FMO1: variants seen among roughly 807,000 people sequenced by gnomAD.
The protein encoded by FMO1 is flavin containing dimethylaniline monoxygenase 1.
FMO1 carries 36 observed loss-of-function variants against 45.4 expected under a neutral mutation model. The observed-to-expected ratio is 0.79, with a 90% CI of 0.61 to 1.05. The LOEUF is 1.05. FMO1 is among the 50% of genes least tolerant of loss of function. The pLI is 0.00. For missense variants in FMO1, 615 were observed against 640.3 expected (o/e 0.96, Z 0.43); for synonymous variants, 228 against 227.2 (o/e 1.00, Z -0.03).
At chr1:171,270,985 T>C (rs1049463340) in intron 3 of FMO1, 6 of 898,494 alleles carry the variant, frequency 6.7e-6, no homozygotes, top group Non-Finnish European at 1.1e-5. Flanking sequence ...ATCTTCTTCA[T>C]CTACCTCCTC....
chr1:171,275,604 A>C, intron 4 of FMO1, 96 bp downstream of exon 4: 1 of 898,256 alleles, frequency 1.1e-6, no homozygotes, highest in Non-Finnish European at 1.7e-6. Flanking sequence ...TGTTCCATTA[A>C]ATAGTTAAAG....
intron 2 of FMO1, among the ~76,000 whole-genome samples, chr1:171,259,659 AC>A (rs1660300619): frequency 6.6e-6 from 1 of 152,222 alleles, no homozygotes; most frequent in African/African-American, 2.4e-5. Context: ...CAAAAACTAA[AC>A]CTAAAGATCA....
chr1:171,252,009 G>A (rs1172675185), intron 1 of FMO1, among the ~76,000 whole-genome samples: 1 of 152,054 alleles, frequency 6.6e-6, no homozygotes, highest in African/African-American at 2.4e-5. Flanking sequence ...ATGTCAGTGT[G>A]CTTTTCACCC....
chr1:171,270,955 T>C, intron 3 of FMO1: 1 of 859,298 alleles, frequency 1.2e-6, no homozygotes, highest in South Asian at 1.4e-5. Flanking sequence ...ACCAACTTAT[T>C]CATCATCTTC....
chr1:171,272,456 C>A, intron 3 of FMO1, among the ~76,000 whole-genome samples: 1 of 152,126 alleles, frequency 6.6e-6, no homozygotes, highest in Non-Finnish European at 1.5e-5. Flanking sequence ...TCCTTCAGAC[C>A]CCAGAATGTT....
intron 1 of FMO1, among the ~76,000 whole-genome samples, chr1:171,252,076 C>T (rs1659921547): frequency 1.3e-5 from 2 of 152,094 alleles, no homozygotes; most frequent in South Asian, 4.1e-4. Flanking sequence ...AAAGCAGTCA[C>T]TAACAAGAAA....
rs538649179 is a variant in FMO1, at chr1:171,276,938, G to A, written c.484+1430G>A. 3.3e-5 allele frequency among the ~76,000 whole-genome samples: 5 copies of A among 152,064 alleles called. No homozygotes were observed. The East Asian group carries it at 5.8e-4, about 18-fold the overall frequency. On this transcript the variant is annotated intron_variant, in intron 4 of 8. Coordinates refer to ENST00000617670, the MANE Select transcript of FMO1 (RefSeq NM_001282693.2). ...ACCACCTAGCTGATAGTCTTGAGTC[G>A]CCCACTTAACTTTTCTAAGCCTCAA...
At chr1:171,265,213 A>T (rs1275631213) in intron 2 of FMO1, among the ~76,000 whole-genome samples, 2 of 151,726 alleles carry the variant, frequency 1.3e-5, no homozygotes, top group African/African-American at 4.8e-5. Flanking sequence ...ACACGGTGAA[A>T]CCCCGTCTCT....
intron 3 of FMO1, among the ~76,000 whole-genome samples, chr1:171,273,204 G>C (rs901739707): frequency 6.6e-5 from 10 of 152,226 alleles, no homozygotes; most frequent in Middle Eastern, 3.4e-3. Flanking sequence ...GCTCCTCTTT[G>C]CTCCTGCCAT....
chr1:171,253,556 G>C (rs1660000165), intron 1 of FMO1, among the ~76,000 whole-genome samples: 1 of 152,036 alleles, frequency 6.6e-6, no homozygotes, highest in Non-Finnish European at 1.5e-5. Flanking sequence ...GAGGTCGGGA[G>C]TTCGAGACCA....
At chr1:171,272,756 C>G (rs1660919832) in intron 3 of FMO1, among the ~76,000 whole-genome samples, 1 of 152,218 alleles carries the variant, frequency 6.6e-6, no homozygotes, top group Admixed American at 6.5e-5. Context: ...TGTATTTACC[C>G]AATGCCTGTA....
chr1:171,253,532 C>T (rs956079602), intron 1 of FMO1, among the ~76,000 whole-genome samples: 17 of 152,090 alleles, frequency 1.1e-4, no homozygotes, highest in East Asian at 3.9e-4. Flanking sequence ...GAGGCCGAGG[C>T]GGGTGGATCA....
chr1:171,258,963 A>G (rs971665637), intron 2 of FMO1, among the ~76,000 whole-genome samples: 1 of 152,162 alleles, frequency 6.6e-6, no homozygotes, highest in African/African-American at 2.4e-5. Flanking sequence ...CAGGCAGGGA[A>G]AATGTTCCCT....
intron 3 of FMO1, chr1:171,271,125 G>T: frequency 2.3e-6 from 2 of 882,906 alleles, no homozygotes; most frequent in Admixed American, 1.8e-5. Flanking sequence ...TATCCTTTTT[G>T]TATTTTTCCT....
In FMO1 at chr1:171,285,470, T is replaced by C; in HGVS notation, c.1525T>C (p.Ser509Pro). ...IKARVVQESP[S>P]PFESFLKVFS... ...AGCTCGAGTTGTACAAGAGTCTCCATCTCCCTTTGAAAGTTTTCTTAAAGT... is the reference window on the plus strand; with the variant it reads ...AGCTCGAGTTGTACAAGAGTCTCCACCTCCCTTTGAAAGTTTTCTTAAAGT... Residue 509 changes from serine (S) to proline (P), a missense_variant, in exon 9 of 9, where the codon TCT (serine) becomes CCT (proline). Physicochemically the swap from Ser to Pro is moderately conservative, Grantham distance 74. Coordinates refer to ENST00000617670, the MANE Select transcript of FMO1 (RefSeq NM_001282693.2). 1 of 1,536,296 alleles carries C rather than the reference T, an allele frequency of 6.5e-7. No individual in the cohort carries two copies. Among genetic ancestry groups the C allele is most frequent in the Non-Finnish European group, 8.7e-7 (1 of 1,144,126 alleles).
chr1:171,250,059 C>G (rs1659816452), intron 1 of FMO1, among the ~76,000 whole-genome samples: 1 of 152,100 alleles, frequency 6.6e-6, no homozygotes. Flanking sequence ...TAGACAAAAA[C>G]TTAATAACTA....
intron 5 of FMO1, among the ~76,000 whole-genome samples, chr1:171,279,475 G>A (rs7539057): frequency 0.26 from 38,822 of 152,054 alleles, 8,122 homozygotes; most frequent in African/African-American, 0.58. Flanking sequence ...GAACCTGCCT[G>A]AAATCTTACC....
At position 171,278,092 on chromosome 1, in the gene FMO1, A is replaced by G. The variant is rs140038017; in HGVS notation, c.485-637A>G. ...ACTGCCTAAGGTATCCTATCAAGTT[A>G]GCCCAGTTGATTGAATCCTGGTGTA... On this transcript the variant is annotated intron_variant, in intron 4 of 8. Coordinates refer to ENST00000617670, the MANE Select transcript of FMO1 (RefSeq NM_001282693.2). 4.2e-3 allele frequency among the ~76,000 whole-genome samples: 644 copies of G among 152,326 alleles called. 5 individuals carry two copies. Among genetic ancestry groups the G allele is most frequent in the Middle Eastern group, 0.01 (3 of 294 alleles).
intron 2 of FMO1, among the ~76,000 whole-genome samples, chr1:171,266,261 T>C (rs1020979244): frequency 2.0e-5 from 3 of 152,242 alleles, no homozygotes; most frequent in Non-Finnish European, 4.4e-5. Flanking sequence ...CATGCTTACA[T>C]ATTGAGCAAT....
Sources: gnomAD v4.1 joint callset for allele counts (sites outside exome capture counted in the v4.1 genomes callset) on GRCh38, gnomAD v4.1.1 for gene constraint, MANE v1.5 for transcripts, NCBI Gene and HGNC (gene_info 2026-07-23, HGNC 2026-07-21) for gene names.